TMEM9B: variants seen among roughly 807,000 people sequenced by gnomAD.
The protein encoded by TMEM9B is transmembrane protein 9B.
Under a neutral mutation model 23.5 loss-of-function variants are expected in TMEM9B, and 8 were observed. The observed-to-expected ratio is 0.34, with a 90% CI of 0.20 to 0.61. The LOEUF (loss-of-function observed/expected upper bound fraction) is 0.61. Among genes scored for constraint, TMEM9B ranks in the 20% least tolerant of loss-of-function variants. The pLI is 0.78. For synonymous variants in TMEM9B, 106 were observed against 96.3 expected, an observed-to-expected ratio of 1.10 and a Z score of -0.59; for missense variants, 197 against 252.3, an observed-to-expected ratio of 0.78 and a Z score of 1.49.
At chr11:8,950,609 C>T (rs1048507022) in intron 4 of TMEM9B, among the ~76,000 whole-genome samples, 1 of 152,186 alleles carries the variant, frequency 6.6e-6, no homozygotes, top group African/African-American at 2.4e-5. Context: ...TGCTCATGGT[C>T]ACAGATGCTG....
chr11:8,951,391 T>C (rs1198998544), intron 4 of TMEM9B, among the ~76,000 whole-genome samples: 2 of 152,126 alleles, frequency 1.3e-5, no homozygotes, highest in Non-Finnish European at 2.9e-5. Flanking sequence ...TTAAGGAACA[T>C]AGTCCAATAT....
rs1853789831 is a variant in TMEM9B, at chr11:8,947,457, C to T, written c.*863G>A. The T allele has an allele frequency of 6.6e-6, 1 of 152,642 alleles. No individual in the cohort carries two copies. Among genetic ancestry groups the T allele is most frequent in the African/African-American group, 2.4e-5 (1 of 41,434 alleles). 9.5% of individuals were successfully genotyped at this position (152,642 alleles called of 1,614,324 possible). A position where few individuals can be genotyped will look rare whatever the true frequency, so the allele number is the denominator to read the frequency against. On this transcript the variant is annotated 3_prime_UTR_variant, in exon 5 of 5. Coordinates refer to ENST00000534025, the MANE Select transcript of TMEM9B (RefSeq NM_020644.3). The stretch of plus-strand genomic sequence containing the variant: ...CTCAAACAGCTGCCTCTCACCACGA[C>T]CGGAAATGCTGACAAATGTGTATAT...
intron 2 of TMEM9B, among the ~76,000 whole-genome samples, chr11:8,961,360 C>T (rs1316704687): frequency 1.3e-5 from 2 of 152,228 alleles, no homozygotes; most frequent in Non-Finnish European, 2.9e-5. Flanking sequence ...CATCTTCCAC[C>T]GTGGTTACAA....
intron 4 of TMEM9B, among the ~76,000 whole-genome samples, chr11:8,952,249 TAC>T (rs142506777): frequency 0.016 from 1,960 of 122,650 alleles, 28 homozygotes; most frequent in African/African-American, 0.035. Flanking sequence ...GCCAACTATA[TAC>T]ACACACACAC....
At chr11:8,963,805 C>A in intron 1 of TMEM9B, among the ~76,000 whole-genome samples, 1 of 151,464 alleles carries the variant, frequency 6.6e-6, no homozygotes, top group Non-Finnish European at 1.5e-5. Context: ...TTGGGGCATG[C>A]GGGGCCTGTG....
intron 2 of TMEM9B, among the ~76,000 whole-genome samples, chr11:8,960,138 G>GTTTTTTT (rs10550659): frequency 1.2e-5 from 1 of 83,700 alleles, no homozygotes; most frequent in African/African-American, 4.3e-5. Context: ...CTTTGTTTCT[G>GTTTTTTT]TTTTTTTTTT....
upstream of TMEM9B, chr11:8,964,550 C>T (rs1016141538): frequency 1.1e-5 from 14 of 1,249,632 alleles, no homozygotes; most frequent in African/African-American, 1.9e-4. Context: ...TGGTGCCCGC[C>T]TTGGCCTAGC....
chr11:8,964,308 C>T lies in TMEM9B; in HGVS notation c.6G>A (p.Ala2=), dbSNP rs763080038. The change falls in exon 1 of 5, where the codon GCG becomes GCA. Residue 2 remains alanine, a synonymous_variant. Coordinates refer to ENST00000534025, the MANE Select transcript of TMEM9B (RefSeq NM_020644.3). M[A]TLWGGLLRLG... is the part of the protein sequence containing the mutation. ...GCCGAAGAAGGCCTCCCCACAGGGT[C>T]GCCATCGCTGGGGGCCCAGCGGTCC... is the stretch of plus-strand genomic sequence containing the variant. 1.3e-6 allele frequency: 2 copies of T among 1,574,092 alleles called. No homozygotes were observed. The highest frequency in any genetic ancestry group is 1.8e-5 in the Admixed American group (1 of 54,298).
intron 3 of TMEM9B, 81 bp downstream of exon 3, chr11:8,956,109 T>C: frequency 1.5e-6 from 2 of 1,333,188 alleles, no homozygotes; most frequent in South Asian, 1.4e-5. Context: ...CAAATTTTTC[T>C]GTCTTGTCTA....
At chr11:8,954,308 A>T (rs1032052012) in intron 3 of TMEM9B, among the ~76,000 whole-genome samples, 24 of 148,296 alleles carry the variant, frequency 1.6e-4, no homozygotes, top group African/African-American at 5.3e-4. Context: ...ACTGGATTTT[A>T]TTTTTTTTTT....
chr11:8,958,147 G>A (rs1354204152), intron 2 of TMEM9B, among the ~76,000 whole-genome samples: 5 of 93,456 alleles, frequency 5.4e-5, no homozygotes, highest in South Asian at 4.9e-4. Flanking sequence ...CAATGACAGC[G>A]AAACTCCGTC....
chr11:8,948,682 G>A (rs1194908348), intron 4 of TMEM9B, among the ~76,000 whole-genome samples: 1 of 152,100 alleles, frequency 6.6e-6, no homozygotes, highest in Non-Finnish European at 1.5e-5. Flanking sequence ...AAACATAAGC[G>A]ATGACAGAGT....
chr11:8,964,326 A>C lies in TMEM9B; in HGVS notation c.-13T>G. ...ACAGGGTCGCCATCGCTGGGGGCCC[A>C]GCGGTCCCACAGCCCGGAGCCCCCG... On this transcript the variant is annotated 5_prime_UTR_variant, in exon 1 of 5. Coordinates refer to ENST00000534025, the MANE Select transcript of TMEM9B (RefSeq NM_020644.3). 6.4e-7 allele frequency: 1 copy of C among 1,557,594 alleles called. No homozygotes were observed. The highest frequency in any genetic ancestry group is 8.7e-7 in the Non-Finnish European group (1 of 1,151,952).
intron 2 of TMEM9B, among the ~76,000 whole-genome samples, chr11:8,961,513 TC>T (rs1854081683): frequency 6.6e-6 from 1 of 152,234 alleles, no homozygotes; most frequent in African/African-American, 2.4e-5. Context: ...TGGTGGCTAG[TC>T]AGTCAGGATC....
chr11:8,961,363 G>A (rs1221458706), intron 2 of TMEM9B, among the ~76,000 whole-genome samples: 1 of 152,214 alleles, frequency 6.6e-6, no homozygotes, highest in Non-Finnish European at 1.5e-5. Context: ...CTTCCACCGT[G>A]GTTACAAACC....
intron 4 of TMEM9B, among the ~76,000 whole-genome samples, chr11:8,951,703 C>A (rs1853879778): frequency 6.8e-6 from 1 of 147,036 alleles, no homozygotes. Context: ...GCTTGCAGTG[C>A]GCTGAGATCG....
Position 8,957,166 on chromosome 11 carries a change from A to G in TMEM9B, c.198-868T>C, listed in dbSNP as rs1315078561. 6.6e-6 allele frequency among the ~76,000 whole-genome samples: 1 copy of G among 152,246 alleles called. No homozygotes were observed. The highest frequency in any genetic ancestry group is 6.5e-5 in the Admixed American group (1 of 15,286). On this transcript the variant is annotated intron_variant, in intron 2 of 4. Coordinates refer to ENST00000534025, the MANE Select transcript of TMEM9B (RefSeq NM_020644.3). The surrounding 1 kb of genome is among the most constrained non-coding windows in gnomAD (Gnocchi z 4.3). ...TCTTAATGAGCAAATCTGAAAAAGCAAGGAGAAATAGAATAACTAAAATAT... is the reference window on the plus strand; with the variant it reads ...TCTTAATGAGCAAATCTGAAAAAGCGAGGAGAAATAGAATAACTAAAATAT...
At chr11:8,958,042 C>T (rs1698872713) in intron 2 of TMEM9B, among the ~76,000 whole-genome samples, 1 of 151,458 alleles carries the variant, frequency 6.6e-6, no homozygotes, top group Admixed American at 6.6e-5. Context: ...GCCTGTAATC[C>T]CAGCTACTCA....
intron 4 of TMEM9B, chr11:8,952,956 G>A (rs61876254): frequency 1.7e-6 from 1 of 585,162 alleles, no homozygotes; most frequent in South Asian, 2.2e-5. Flanking sequence ...TGTGCCTTTG[G>A]TACTGAAAGC....
Sources: gnomAD v4.1 joint callset for allele counts (sites outside exome capture counted in the v4.1 genomes callset) on GRCh38, gnomAD v4.1.1 for gene constraint, Gnocchi (gnomAD v3.1) non-coding constraint, MANE v1.5 for transcripts, NCBI Gene and HGNC (gene_info 2026-07-23, HGNC 2026-07-21) for gene names.